MKRN2OS: variants seen among roughly 807,000 people sequenced by gnomAD.
MKRN2OS encodes the protein MKRN2 opposite strand protein.
A neutral mutation model predicts 18.2 loss-of-function variants in MKRN2OS; 17 were observed. The ratio of observed to expected loss-of-function variants is 0.93; its 90% CI spans 0.64 to 1.40. The LOEUF (loss-of-function observed/expected upper bound fraction) is 1.40, where lower values mean the gene tolerates loss of function less well. Among genes scored for constraint, MKRN2OS ranks in the 40% most tolerant of loss-of-function variants. MKRN2OS has a pLI of 0.00. For missense variants in MKRN2OS, 337 were observed against 283.0 expected, an observed-to-expected ratio of 1.19 and a Z score of -1.37; for synonymous variants, 121 against 108.5, an observed-to-expected ratio of 1.12 and a Z score of -0.72.
chr3:12,559,444 G>GA (rs1559385732), intron 1 of MKRN2OS, among the ~76,000 whole-genome samples: 1 of 151,560 alleles, frequency 6.6e-6, no homozygotes. Flanking sequence ...TTGTTTTTTT[G>GA]TTTTTTTTAA....
upstream of MKRN2OS, among the ~76,000 whole-genome samples, chr3:12,548,493 G>A (rs1298232326): frequency 6.9e-6 from 1 of 145,558 alleles, no homozygotes; most frequent in African/African-American, 2.5e-5. Context: ...CCAGCCGAGC[G>A]TGGTGGCAGA....
chr3:12,542,988 G>A (rs1206521609), intron 2 of MKRN2OS, among the ~76,000 whole-genome samples, 192 bp downstream of exon 2: 1 of 152,140 alleles, frequency 6.6e-6, no homozygotes, highest in Non-Finnish European at 1.5e-5. Flanking sequence ...CAAATATTTT[G>A]TATTGTTAGT....
intron 1 of MKRN2OS, among the ~76,000 whole-genome samples, chr3:12,556,641 C>A (rs1035501224): frequency 1.3e-5 from 2 of 151,952 alleles, no homozygotes; most frequent in Non-Finnish European, 2.9e-5. Context: ...AAGGAATTTC[C>A]TTAAGTGGGA....
chr3:12,555,718 G>T (rs545824175), intron 1 of MKRN2OS, among the ~76,000 whole-genome samples: 1 of 152,336 alleles, frequency 6.6e-6, no homozygotes, highest in South Asian at 2.1e-4. Flanking sequence ...AGGACCATAA[G>T]GAAGCCCTTC....
intron 1 of MKRN2OS, 84 bp downstream of exon 1, chr3:12,545,163 T>C: frequency 7.3e-6 from 8 of 1,103,426 alleles, no homozygotes; most frequent in Non-Finnish European, 8.8e-6. Context: ...TCACACATTA[T>C]GTATTAAGAA....
chr3:12,557,026 G>C, intron 1 of MKRN2OS: 2 of 1,044,176 alleles, frequency 1.9e-6, no homozygotes, highest in Non-Finnish European at 2.5e-6. Flanking sequence ...CACCGGAGGG[G>C]CGGCGTGCGC....
chr3:12,546,937 G>A (rs2057890280), upstream of MKRN2OS, among the ~76,000 whole-genome samples: 1 of 152,076 alleles, frequency 6.6e-6, no homozygotes, highest in South Asian at 2.1e-4. Context: ...GGTAGATGGG[G>A]TGTACAATTT....
upstream of MKRN2OS, among the ~76,000 whole-genome samples, chr3:12,547,606 T>C (rs2057895921): frequency 6.6e-6 from 1 of 152,212 alleles, no homozygotes; most frequent in Non-Finnish European, 1.5e-5. Flanking sequence ...TGCCTCATCT[T>C]GGAAACTTTT....
chr3:12,557,114 G>A, intron 1 of MKRN2OS: 1 of 1,493,148 alleles, frequency 6.7e-7, no homozygotes, highest in Admixed American at 2.2e-5. Context: ...GGCTGCGAGA[G>A]GCGGCGGCAC....
intron 1 of MKRN2OS, among the ~76,000 whole-genome samples, chr3:12,558,361 G>A (rs1256115541): frequency 6.6e-6 from 1 of 152,138 alleles, no homozygotes; most frequent in Non-Finnish European, 1.5e-5. Flanking sequence ...GTGTGTTTAC[G>A]TATTTTTATT....
At chr3:12,556,946 C>A in intron 1 of MKRN2OS, 1 of 453,800 alleles carries the variant, frequency 2.2e-6, no homozygotes, top group Non-Finnish European at 3.6e-6. Context: ...CCGGGACAGC[C>A]GGCCCGATCC....
At chr3:12,560,183 T>A (rs2058024680) in intron 1 of MKRN2OS, among the ~76,000 whole-genome samples, 1 of 152,202 alleles carries the variant, frequency 6.6e-6, no homozygotes, top group Non-Finnish European at 1.5e-5. Context: ...CAGTTAAATG[T>A]CCCAGTAGTC....
chr3:12,546,024 G>A (rs1691747342), upstream of MKRN2OS, among the ~76,000 whole-genome samples: 1 of 152,224 alleles, frequency 6.6e-6, no homozygotes, highest in South Asian at 2.1e-4. Flanking sequence ...GGCCAGGCTG[G>A]ACTTGAAGAG....
upstream of MKRN2OS, among the ~76,000 whole-genome samples, chr3:12,548,402 C>G (rs2057902361): frequency 1.2e-5 from 1 of 83,570 alleles, no homozygotes; most frequent in Non-Finnish European, 2.1e-5. Flanking sequence ...GAGCCGAGAT[C>G]GCGCCACTGC....
chr3:12,555,872 C>T (rs911110052), intron 1 of MKRN2OS, among the ~76,000 whole-genome samples: 12 of 152,118 alleles, frequency 7.9e-5, no homozygotes, highest in African/African-American at 1.2e-4. Flanking sequence ...CACCTGTATT[C>T]CCAGCTGCTG....
At chr3:12,546,898 A>G (rs919209447), upstream of MKRN2OS, among the ~76,000 whole-genome samples, 1 of 152,164 alleles carries the variant, frequency 6.6e-6, no homozygotes, top group African/African-American at 2.4e-5. Flanking sequence ...ATTTTGATAC[A>G]GGCATACAAT....
intron 3 of MKRN2OS, 59 bp downstream of exon 3, chr3:12,541,801 G>A: frequency 6.7e-7 from 1 of 1,492,964 alleles, no homozygotes; most frequent in South Asian, 1.3e-5. Context: ...GGCTACACGG[G>A]GATCCCACTT....
intron 2 of MKRN2OS, 137 bp downstream of exon 2, chr3:12,543,043 C>A: frequency 1.7e-6 from 1 of 591,152 alleles, no homozygotes. Context: ...GTGGGCAATG[C>A]CTACCTCATG....
chr3:12,549,599 G>A (rs183882378), upstream of MKRN2OS, among the ~76,000 whole-genome samples: 2 of 152,252 alleles, frequency 1.3e-5, no homozygotes, highest in South Asian at 2.1e-4. Flanking sequence ...CCACGTTGGA[G>A]TGCAGTGGTG....
Sources: gnomAD v4.1 joint callset for allele counts (sites outside exome capture counted in the v4.1 genomes callset) on GRCh38, gnomAD v4.1.1 for gene constraint, MANE v1.5 for transcripts, NCBI Gene and HGNC (gene_info 2026-07-23, HGNC 2026-07-21) for gene names.